The following GPATCH2L variants were observed in gnomAD, a reference collection of about 807,000 sequenced individuals.
The protein encoded by GPATCH2L is G-patch domain containing 2 like.
A neutral mutation model predicts 57.4 loss-of-function variants in GPATCH2L; 31 were observed. The ratio of observed to expected loss-of-function variants is 0.54; its 90% confidence interval spans 0.41 to 0.73. The LOEUF (loss-of-function observed/expected upper bound fraction) is 0.73. GPATCH2L is among the 30% of genes least tolerant of loss of function. The pLI, the probability that GPATCH2L is intolerant of heterozygous loss-of-function variation, is 0.00. For synonymous variants in GPATCH2L, 199 were observed against 210.7 expected (o/e 0.94, Z 0.48); for missense variants, 481 against 599.9 (o/e 0.80, Z 2.07).
At chr14:76,197,483 A>T (rs989853308) in intron 9 of GPATCH2L, among the ~76,000 whole-genome samples, 3 of 152,096 alleles carry the variant, frequency 2.0e-5, no homozygotes, top group Non-Finnish European at 4.4e-5. Flanking sequence ...TCCCCTCCTG[A>T]GCCCAGCTCC....
intron 2 of GPATCH2L, among the ~76,000 whole-genome samples, chr14:76,161,758 G>C (rs2038596426): frequency 6.6e-6 from 1 of 152,158 alleles, no homozygotes; most frequent in Non-Finnish European, 1.5e-5. Flanking sequence ...GCTCTAGGAC[G>C]GGTGCGGTGG....
At chr14:76,156,677 G>T (rs1241541238) in intron 2 of GPATCH2L, among the ~76,000 whole-genome samples, 1 of 152,168 alleles carries the variant, frequency 6.6e-6, no homozygotes, top group African/African-American at 2.4e-5. Flanking sequence ...AGTCTTCTTA[G>T]TATTGAGAAT....
At chr14:76,171,277 TAA>T (rs57103783) in intron 3 of GPATCH2L, among the ~76,000 whole-genome samples, 19 of 133,418 alleles carry the variant, frequency 1.4e-4, no homozygotes, top group Admixed American at 2.2e-4. Context: ...TACAGAGAAT[TAA>T]AAAAAAAAAA....
chr14:76,172,137 G>A, intron 4 of GPATCH2L, 118 bp downstream of exon 4: 2 of 570,772 alleles, frequency 3.5e-6, no homozygotes, highest in Non-Finnish European at 5.8e-6. Flanking sequence ...GAATTTTGGA[G>A]CTAGCTCAAG....
chr14:76,235,168 CAAAAAAAAAA>C (rs34157061), intron 2 of GPATCH2L, among the ~76,000 whole-genome samples: 1 of 98,758 alleles, frequency 1.0e-5, no homozygotes, highest in Non-Finnish European at 2.2e-5. Flanking sequence ...AACTCTGTCT[CAAAAAAAAAA>C]AAAAAAGAAA....
intron 8 of GPATCH2L, among the ~76,000 whole-genome samples, chr14:76,183,307 C>T (rs934817692): frequency 1.3e-5 from 2 of 152,178 alleles, no homozygotes; most frequent in African/African-American, 4.8e-5. Context: ...TGTTTTAGAC[C>T]ATTGCTGAAA....
At chr14:76,178,812 A>T (rs1276257953) in intron 7 of GPATCH2L, 2 of 152,030 alleles carry the variant, frequency 1.3e-5, no homozygotes, top group African/African-American at 4.8e-5. Context: ...GGGGTTGGGG[A>T]CCCCTGCCTT....
chr14:76,173,750 G>T, intron 5 of GPATCH2L, 125 bp downstream of exon 5: 1 of 689,988 alleles, frequency 1.4e-6, no homozygotes, highest in Admixed American at 2.1e-5. Flanking sequence ...ACTGGAATGT[G>T]TTGGGAGTTT....
At position 76,154,474 on chromosome 14, in the gene GPATCH2L, G is replaced by A. The variant is rs756505709; in HGVS notation, c.111G>A (p.Arg37=). The A allele has an allele frequency of 6.2e-7, 1 of 1,614,208 alleles. No individual in the cohort carries two copies. Among genetic ancestry groups the A allele is most frequent in the East Asian group, 2.2e-5 (1 of 44,880 alleles). The change falls in exon 2 of 10, where the codon CGG becomes CGA. Residue 37 remains arginine (R), a synonymous_variant. Transcript: ENST00000261530. This position sits in a 1 kb window ranked among gnomAD's most constrained non-coding sequence, Gnocchi z 4.4. The part of the protein sequence containing the change: ...EMALSPRQQR[R]QLRKRRGRKR... Reference sequence around the variant, plus strand: ...CGCTGAGCCCCCGACAGCAGAGGCGGCAGCTTCGGAAACGCCGAGGTCGGA... The same window carrying A: ...CGCTGAGCCCCCGACAGCAGAGGCGACAGCTTCGGAAACGCCGAGGTCGGA...
rs117605495 is a variant in GPATCH2L at position 76,197,436 on chromosome 14, G to A, written c.1288+1464G>A. ...TCAGGTTGGGAAGTGTACGTGTGTGGGGGTGGGTATTAAACAAGACTTGAG... is the reference window on the plus strand; with the variant it reads ...TCAGGTTGGGAAGTGTACGTGTGTGAGGGTGGGTATTAAACAAGACTTGAG... On this transcript the variant is annotated intron_variant, in intron 9 of 9. Coordinates refer to ENST00000261530, the MANE Select transcript of GPATCH2L (RefSeq NM_017926.4). Among the ~76,000 whole-genome samples the A allele has an allele frequency of 1.6e-4, 25 of 152,270 alleles. No individual in the cohort carries two copies. The East Asian group carries it at 4.6e-3, about 28-fold the overall frequency.
At chr14:76,187,273 G>C (rs376905370) in intron 8 of GPATCH2L, among the ~76,000 whole-genome samples, 1 of 151,906 alleles carries the variant, frequency 6.6e-6, no homozygotes, top group East Asian at 1.9e-4. Flanking sequence ...CAGTGTCTCG[G>C]AGTATTAATT....
At chr14:76,171,294 ACTG>A (rs2039071463) in intron 3 of GPATCH2L, among the ~76,000 whole-genome samples, 5 of 150,086 alleles carry the variant, frequency 3.3e-5, no homozygotes, top group African/African-American at 2.5e-5. Context: ...AAAAAAAAAG[ACTG>A]GGCGCGGTGG....
downstream of GPATCH2L, among the ~76,000 whole-genome samples, chr14:76,215,230 C>T (rs987176605): frequency 3.9e-5 from 6 of 152,030 alleles, no homozygotes; most frequent in African/African-American, 1.4e-4. Context: ...CATCTCACAC[C>T]AGTTAGAATG....
intron 3 of GPATCH2L, 43 bp from the exon 4 acceptor site, chr14:76,171,800 C>T: frequency 1.6e-6 from 2 of 1,267,750 alleles, no homozygotes; most frequent in African/African-American, 1.5e-5. Flanking sequence ...TTTCTCAGAC[C>T]TTGTTTAAAA....
At chr14:76,161,087 C>T (rs1006946661) in intron 2 of GPATCH2L, among the ~76,000 whole-genome samples, 19 of 152,188 alleles carry the variant, frequency 1.2e-4, no homozygotes, top group African/African-American at 3.9e-4. Context: ...TGAATAACCT[C>T]TCCCTCAGTC....
chr14:76,189,632 A>C lies in GPATCH2L; in HGVS notation c.1194-6246A>C, dbSNP rs550789540. On this transcript the variant is annotated intron_variant, in intron 8 of 9. Coordinates refer to ENST00000261530, the MANE Select transcript of GPATCH2L (RefSeq NM_017926.4). ...TTTAGGTTTTTCCAAATATAAGTTC[A>C]TATCATCTACAAACAAGGATACTTT... is the stretch of plus-strand genomic sequence containing the variant. 2.6e-5 allele frequency among the ~76,000 whole-genome samples: 4 copies of C among 152,236 alleles called. No homozygotes were observed. In the South Asian group the frequency reaches 8.3e-4, roughly 32 times the overall value.
chr14:76,171,504 G>A (rs1050689402), intron 3 of GPATCH2L, among the ~76,000 whole-genome samples: 1 of 152,026 alleles, frequency 6.6e-6, no homozygotes, highest in Admixed American at 6.5e-5. Flanking sequence ...CTTGAACCCG[G>A]GAGGGGAGGC....
chr14:76,183,310 T>C (rs912987386), intron 8 of GPATCH2L, among the ~76,000 whole-genome samples: 6 of 152,250 alleles, frequency 3.9e-5, no homozygotes, highest in Non-Finnish European at 7.3e-5. Flanking sequence ...TTTAGACCAT[T>C]GCTGAAAGCA....
chr14:76,231,337 G>A (rs775187111), intron 2 of GPATCH2L, among the ~76,000 whole-genome samples: 4 of 152,104 alleles, frequency 2.6e-5, no homozygotes, highest in East Asian at 3.8e-4. Context: ...TCCTAGTGCT[G>A]CCTGTCGCCC....
Sources: allele counts gnomAD v4.1 joint callset (sites outside exome capture counted in the v4.1 genomes callset), GRCh38; gene constraint gnomAD v4.1.1; non-coding constraint Gnocchi (gnomAD v3.1); transcripts MANE v1.5; gene names NCBI Gene and HGNC (gene_info 2026-07-23, HGNC 2026-07-21).